The following ALOX15 variants were observed in gnomAD, a reference collection of about 807,000 sequenced individuals.
The protein encoded by ALOX15 is arachidonate 15-lipoxygenase.
A neutral mutation model predicts 71.7 loss-of-function variants in ALOX15; 68 were observed. The ratio of observed to expected loss-of-function variants is 0.95; its 90% confidence interval spans 0.78 to 1.16. ALOX15 has a LOEUF of 1.16. Ranked by LOEUF, ALOX15 falls within the 50% of genes most tolerant of loss-of-function variation. The pLI is 0.00. For missense variants in ALOX15, 798 were observed against 818.8 expected (o/e 0.97, Z 0.31); for synonymous variants, 346 against 333.3 (o/e 1.04, Z -0.42).
chr17:4,634,107 A>C (rs1167432443), intron 8 of ALOX15, among the ~76,000 whole-genome samples: 1 of 152,198 alleles, frequency 6.6e-6, no homozygotes, highest in African/African-American at 2.4e-5. Context: ...GTGACAAAAT[A>C]ATCTGTACAC....
In ALOX15 at chr17:4,639,131, G is replaced by A. The variant is rs745358874; in HGVS notation, c.339C>T (p.Gly113=). 16 of 1,614,002 alleles carry A rather than the reference G, an allele frequency of 9.9e-6. No individual in the cohort carries two copies. In the East Asian group the frequency reaches 3.3e-4, roughly 34 times the overall value. ...CCTGAGGGTCCTCGCCCACAGTGCGGCCTAGAAGGACAGAGGAGGACTTGG... is the reference window on the plus strand; with the variant it reads ...CCTGAGGGTCCTCGCCCACAGTGCGACCTAGAAGGACAGAGGAGGACTTGG... ...NGVLSLPEGT[G]RTVGEDPQGL... The change falls in exon 3 of 14, where the codon GGC becomes GGT. Residue 113 remains glycine, a splice_region_variant and synonymous_variant. Coordinates refer to ENST00000293761, the MANE Select transcript of ALOX15 (RefSeq NM_001140.5).
intron 4 of ALOX15, 66 bp downstream of exon 4, chr17:4,638,784 C>A: frequency 6.2e-7 from 1 of 1,613,164 alleles, no homozygotes; most frequent in Non-Finnish European, 8.5e-7. Flanking sequence ...CAGTGCAGCC[C>A]ATAAGCCCCT....
At position 4,632,872 on chromosome 17, in the gene ALOX15, GC is replaced by G; in HGVS notation, c.1528del (p.Ala510ProfsTer67). 6.2e-7 allele frequency: 1 copy of G among 1,614,090 alleles called. No individual in the cohort carries two copies. Among genetic ancestry groups the G allele is most frequent in the Non-Finnish European group, 8.5e-7 (1 of 1,180,004 alleles). On this transcript the variant is annotated frameshift_variant, in exon 11 of 14. Coordinates refer to ENST00000293761, the MANE Select transcript of ALOX15 (RefSeq NM_001140.5). LOFTEE classifies it high-confidence loss of function. ...GGGGCTCCTCTTACCTCGGTCCTGG[GC>G]CCCTTGCAGCCCGATTTCAGTGATC... ...REITEIGLQG[A>X]QDRGFPVSLQ...
chr17:4,637,350 T>A, intron 6 of ALOX15, 92 bp from the exon 7 acceptor site: 1 of 1,404,416 alleles, frequency 7.1e-7, no homozygotes, highest in South Asian at 1.5e-5. Context: ...TGGAGCTAAC[T>A]CGTCTCCATC....
Position 4,640,696 on chromosome 17 carries a change from G to C in ALOX15, c.135+821C>G, listed in dbSNP as rs1179289448. On this transcript the variant is annotated intron_variant, in intron 1 of 13. Coordinates refer to ENST00000293761, the MANE Select transcript of ALOX15 (RefSeq NM_001140.5). ...GCTCGGAGCAAGGGCGTGGAGTGCGGGGAGCAGGGCTCCGCAGGTTCAAGA... is the reference window on the plus strand; with the variant it reads ...GCTCGGAGCAAGGGCGTGGAGTGCGCGGAGCAGGGCTCCGCAGGTTCAAGA... Among the ~76,000 whole-genome samples the C allele has an allele frequency of 2.0e-5, 3 of 150,204 alleles. No individual in the cohort carries two copies. In the East Asian group the frequency reaches 6.3e-4, roughly 31 times the overall value.
At chr17:4,637,664 G>A (rs541643098) in intron 6 of ALOX15, among the ~76,000 whole-genome samples, 125 of 152,284 alleles carry the variant, frequency 8.2e-4, no homozygotes, top group African/African-American at 2.1e-3. Context: ...TCCTCCTGCA[G>A]CCTCCCAAAG....
intron 11 of ALOX15, among the ~76,000 whole-genome samples, chr17:4,632,610 C>A (rs982016907): frequency 6.6e-6 from 1 of 152,134 alleles, no homozygotes; most frequent in African/African-American, 2.4e-5. Context: ...CAAATCAGGA[C>A]GGTTCTTCCC....
chr17:4,634,404 G>T (rs11568118), intron 8 of ALOX15, among the ~76,000 whole-genome samples: 5,204 of 151,822 alleles, frequency 0.034, 273 homozygotes, highest in East Asian at 0.17. Flanking sequence ...CTGGGTTCAC[G>T]CGATTCTCCT....
rs1910891968 is a variant in ALOX15 at position 4,631,468 on chromosome 17, T to A, written c.*132A>T. The A allele has an allele frequency of 9.0e-7, 1 of 1,107,106 alleles. No individual in the cohort carries two copies. Among genetic ancestry groups the A allele is most frequent in the Admixed American group, 2.6e-5 (1 of 38,914 alleles). The allele number at this position is 1,107,106 out of a possible 1,614,324, so 68.6% of individuals were successfully genotyped here. On this transcript the variant is annotated 3_prime_UTR_variant, in exon 14 of 14. Transcript: ENST00000293761. The stretch of plus-strand genomic sequence containing the variant: ...ATGTGTTCACTGGGTGCAGAGACCA[T>A]GAAAAGGTGCCCCTCTAGGGAGGGT...
At chr17:4,632,129 C>A (rs2150534594) in intron 12 of ALOX15, 52 bp downstream of exon 12, 1 of 1,613,228 alleles carries the variant, frequency 6.2e-7, no homozygotes, top group South Asian at 1.1e-5. Context: ...GCACACAGAC[C>A]CCTCCCTCAC....
rs775312952 is a variant in ALOX15 at position 4,631,733 on chromosome 17, G to C, written c.1856C>G (p.Pro619Arg). ...CCTGAACTTCTTCAGCACAGCCTTA[G>C]GCTCAGGGCCCGAAAAATACTCCTC... is the stretch of plus-strand genomic sequence containing the variant. ...HEEEYFSGPE[P>R]KAVLKKFREE... is the part of the protein sequence containing the mutation. Residue 619 changes from proline to arginine, a missense_variant, in exon 14 of 14, where the codon CCT becomes CGT. Pro to Arg is a moderately radical substitution (Grantham distance 103). Transcript: ENST00000293761. 7 of 1,614,058 alleles carry C rather than the reference G, an allele frequency of 4.3e-6. No individual in the cohort carries two copies. In the African/African-American group the frequency reaches 9.3e-5, roughly 22 times the overall value.
chr17:4,639,580 C>A lies in ALOX15; in HGVS notation c.187G>T (p.Val63Leu). ...AGGAGGTGCCGTTTGCGCAGTTTCACAAACAGCAGCGGCCCCAGATACTCC... is the reference window on the plus strand; with the variant it reads ...AGGAGGTGCCGTTTGCGCAGTTTCAAAAACAGCAGCGGCCCCAGATACTCC... ...VPEYLGPLLF[V>L]KLRKRHLLKD... Residue 63 changes from valine to leucine, a missense_variant, in exon 2 of 14, where the codon GTG (valine) becomes TTG (leucine). Around this residue, in one of 3 missense-constraint regions of ALOX15, gnomAD observed 300 missense variants for 283.1 expected, o/e 1.06. Coordinates refer to ENST00000293761, the MANE Select transcript of ALOX15 (RefSeq NM_001140.5). 1 of 1,614,082 alleles carries A rather than the reference C, an allele frequency of 6.2e-7. No homozygotes were observed. Among genetic ancestry groups the A allele is most frequent in the East Asian group, 2.2e-5 (1 of 44,866 alleles).
intron 6 of ALOX15, among the ~76,000 whole-genome samples, chr17:4,637,705 T>C (rs2619120): frequency 0.43 from 64,646 of 152,010 alleles, 15,289 homozygotes; most frequent in South Asian, 0.57. Flanking sequence ...GTCACTGTGC[T>C]CAGCCTTATA....
chr17:4,635,676 C>T, intron 8 of ALOX15, 83 bp downstream of exon 8: 1 of 1,347,694 alleles, frequency 7.4e-7, no homozygotes, highest in Middle Eastern at 1.9e-4. Flanking sequence ...CCCGAGACCC[C>T]ACAGAGAGGG....
rs778403773 is a variant in ALOX15, at chr17:4,638,677, C to A, written c.550G>T (p.Asp184Tyr). ...FEVSLAKGLADLAIKDSLNVL... is the reference protein window; with the variant it reads ...FEVSLAKGLAYLAIKDSLNVL... ...TTTAGAGAGTCTTTGATAGCGAGGT[C>A]GGCCAGCCTTCAGGGCAGGATGGGG... Residue 184 changes from aspartate to tyrosine, a missense_variant, in exon 5 of 14, where the codon GAC (aspartate) becomes TAC (tyrosine). Physicochemically the swap from Asp to Tyr is radical, Grantham distance 160. Transcript: ENST00000293761. 1.9e-6 allele frequency: 3 copies of A among 1,614,152 alleles called. No individual in the cohort carries two copies. The highest frequency in any genetic ancestry group is 2.5e-6 in the Non-Finnish European group (3 of 1,180,004).
At chr17:4,636,297 A>T (rs1381760925) in intron 7 of ALOX15, among the ~76,000 whole-genome samples, 3 of 151,606 alleles carry the variant, frequency 2.0e-5, no homozygotes, top group Non-Finnish European at 4.4e-5. Flanking sequence ...TTTTTTGAAA[A>T]CTCATCTTTT....
chr17:4,637,859 T>A (rs367925396), intron 6 of ALOX15, among the ~76,000 whole-genome samples: 1 of 151,940 alleles, frequency 6.6e-6, no homozygotes, highest in Admixed American at 6.6e-5. Flanking sequence ...CTTAATCCCA[T>A]GAATTTCCTC....
chr17:4,640,555 G>A (rs1911283306), intron 1 of ALOX15, among the ~76,000 whole-genome samples: 1 of 142,816 alleles, frequency 7.0e-6, no homozygotes, highest in African/African-American at 2.9e-5. Context: ...AAAAAGGGAG[G>A]AGGGAGCGCG....
At chr17:4,640,881 G>A (rs1211399452) in intron 1 of ALOX15, among the ~76,000 whole-genome samples, 1 of 151,132 alleles carries the variant, frequency 6.6e-6, no homozygotes, top group Non-Finnish European at 1.5e-5. Context: ...CTGGGAGGTG[G>A]GGAGAGGGGA....
Sources: allele counts gnomAD v4.1 joint callset (sites outside exome capture counted in the v4.1 genomes callset), GRCh38; gene constraint gnomAD v4.1.1; regional missense constraint gnomAD v4.1.1; transcripts MANE v1.5; gene names NCBI Gene and HGNC (gene_info 2026-07-23, HGNC 2026-07-21).